Variants in MCF2L observed in about 807,000 individuals in gnomAD.
The protein encoded by MCF2L is MCF.2 cell line derived transforming sequence like, also known as guanine nucleotide exchange factor DBS.
A neutral mutation model predicts 153.4 loss-of-function variants in MCF2L; 97 were observed. That is an observed-to-expected ratio of 0.63 (90% CI 0.54 to 0.75). MCF2L has a LOEUF of 0.75. Among genes scored for constraint, MCF2L ranks in the 30% least tolerant of loss-of-function variants. The pLI is 0.00. For missense variants in MCF2L, 1,347 were observed against 1,495.2 expected, an observed-to-expected ratio of 0.90 and a Z score of 1.64; for synonymous variants, 659 against 632.2, an observed-to-expected ratio of 1.04 and a Z score of -0.64.
intron 2 of MCF2L, among the ~76,000 whole-genome samples, chr13:112,925,890 A>C (rs2081396714): frequency 1.3e-5 from 2 of 152,262 alleles, no homozygotes; most frequent in African/African-American, 4.8e-5. Context: ...AGCAAAGTGA[A>C]AAGTCCTGTG....
At chr13:113,012,756 G>A (rs796877730) in intron 1 of MCF2L, among the ~76,000 whole-genome samples, 690 of 100,592 alleles carry the variant, frequency 6.9e-3, no homozygotes, top group East Asian at 0.038. Context: ...ACTGTGATGC[G>A]GACGGTGGAC....
chr13:113,005,983 G>T (rs1005803945), intron 1 of MCF2L, among the ~76,000 whole-genome samples: 6 of 152,214 alleles, frequency 3.9e-5, no homozygotes, highest in African/African-American at 1.4e-4. Flanking sequence ...GGGCTGCTTA[G>T]CGAAAATCAT....
chr13:112,914,088 C>T (rs1209250324), intron 2 of MCF2L, among the ~76,000 whole-genome samples: 4 of 152,160 alleles, frequency 2.6e-5, no homozygotes, highest in African/African-American at 9.7e-5. Context: ...TGTTTTCCTT[C>T]TTTCTTTTTT....
intron 1 of MCF2L, among the ~76,000 whole-genome samples, chr13:112,989,072 C>A (rs375012434): frequency 2.0e-5 from 2 of 101,950 alleles, no homozygotes; most frequent in Non-Finnish European, 4.2e-5. Context: ...CTACCACGCC[C>A]GAGTCCTCCC....
At chr13:113,073,599 T>C (rs1012861822) in intron 9 of MCF2L, among the ~76,000 whole-genome samples, 1 of 152,172 alleles carries the variant, frequency 6.6e-6, no homozygotes, top group African/African-American at 2.4e-5. Flanking sequence ...CTTTTGTATT[T>C]AAAGGAATAA....
At chr13:113,015,875 CG>C (rs1470640737) in intron 2 of MCF2L, among the ~76,000 whole-genome samples, 1 of 152,308 alleles carries the variant, frequency 6.6e-6, no homozygotes, top group East Asian at 1.9e-4. Flanking sequence ...CCCCCTGTGT[CG>C]GGGACCAGGC....
intron 1 of MCF2L, among the ~76,000 whole-genome samples, chr13:112,970,914 C>T (rs540592016): frequency 3.0e-4 from 46 of 152,266 alleles, no homozygotes; most frequent in Middle Eastern, 3.4e-3. Context: ...TGCGTCCTCC[C>T]ACACATCTGC....
intron 1 of MCF2L, among the ~76,000 whole-genome samples, chr13:112,976,068 A>T (rs1415502693): frequency 6.6e-6 from 1 of 151,952 alleles, no homozygotes; most frequent in Non-Finnish European, 1.5e-5. Context: ...AATACAACAG[A>T]TCCGATTGTT....
At position 112,947,806 on chromosome 13, in the gene MCF2L, G is replaced by A. The variant is rs530410930; in HGVS notation, c.169+45435G>A. On this transcript the variant is annotated intron_variant, in intron 2 of 29. Coordinates refer to the MCF2L transcript ENST00000375608. The stretch of plus-strand genomic sequence containing the variant: ...GAGTCTCAGGGGTGGCCCTACCTCC[G>A]CAGCTACACTAGGCATTGCCCTGGT... Among the ~76,000 whole-genome samples, 8 of 152,242 alleles carry A rather than the reference G, an allele frequency of 5.3e-5. No individual in the cohort carries two copies. The East Asian group carries it at 7.7e-4, about 15-fold the overall frequency.
intron 17 of MCF2L, 51 bp downstream of exon 17, chr13:113,082,593 A>C: frequency 1.2e-5 from 16 of 1,311,198 alleles, no homozygotes; most frequent in Non-Finnish European, 1.7e-5. Flanking sequence ...CTTGCAGCTA[A>C]TGGTGCTGGC....
intron 1 of MCF2L, chr13:112,979,267 T>G: frequency 9.7e-7 from 1 of 1,034,668 alleles, no homozygotes; most frequent in Non-Finnish European, 1.2e-6. Context: ...GGCAAGGAGG[T>G]CCAGCCCACG....
intron 1 of MCF2L, among the ~76,000 whole-genome samples, chr13:112,972,359 GTGGA>G (rs72104689): frequency 0.041 from 5,623 of 137,282 alleles, 250 homozygotes; most frequent in African/African-American, 0.11. Flanking sequence ...GTGTAAGTGG[GTGGA>G]TGGATGGATG....
At chr13:113,001,621 T>A (rs2083381015) in intron 1 of MCF2L, 1 of 1,210,356 alleles carries the variant, frequency 8.3e-7, no homozygotes, top group South Asian at 2.5e-5. Flanking sequence ...ACCAGGAACC[T>A]GAAGCCTCCC....
chr13:113,094,987 G>A (rs963741748), intron 27 of MCF2L: 2 of 1,379,440 alleles, frequency 1.4e-6, no homozygotes, highest in Admixed American at 1.9e-5. Flanking sequence ...CCAGCCTCCT[G>A]TAGAGCCCAC....
intron 2 of MCF2L, among the ~76,000 whole-genome samples, chr13:112,913,072 C>G (rs1051884551): frequency 2.1e-5 from 3 of 142,236 alleles, no homozygotes; most frequent in African/African-American, 8.0e-5. Context: ...TGGGGTGTGT[C>G]TGTGTGATTG....
Position 113,074,238 on chromosome 13 carries a change from G to A in MCF2L, c.997-206G>A, listed in dbSNP as rs184009239. 6.6e-5 allele frequency among the ~76,000 whole-genome samples: 10 copies of A among 152,266 alleles called. No homozygotes were observed. The highest frequency in any genetic ancestry group is 5.2e-4 in the Admixed American group (8 of 15,304). ...GCCAGTGAGGTCACTGGTGGGTAGC[G>A]TCGACCCAGAGGCCCCACGGTCCCC... On this transcript the variant is annotated intron_variant, in intron 9 of 29. Transcript: ENST00000535094. The surrounding 1 kb of genome is among the most constrained non-coding windows in gnomAD (Gnocchi z 4.2).
At chr13:113,013,288 C>A (rs1041144373) in intron 1 of MCF2L, among the ~76,000 whole-genome samples, 5 of 152,188 alleles carry the variant, frequency 3.3e-5, no homozygotes, top group South Asian at 2.1e-4. Flanking sequence ...GACGTGGTTG[C>A]GTACTGGGAA....
rs2081477832 is a variant in MCF2L, at chr13:112,932,926, G to A, written c.169+30555G>A. 6.6e-6 allele frequency among the ~76,000 whole-genome samples: 1 copy of A among 152,158 alleles called. No individual in the cohort carries two copies. Among genetic ancestry groups the A allele is most frequent in the Non-Finnish European group, 1.5e-5 (1 of 68,032 alleles). On this transcript the variant is annotated intron_variant, in intron 2 of 29. Coordinates refer to the MCF2L transcript ENST00000375608. The surrounding 1 kb of genome is among the most constrained non-coding windows in gnomAD (Gnocchi z 4.6). ...CACACCTGTAATCCCAGCTACCCAG[G>A]AGGCTGAGACAGGAGAATTGCTTGA...
rs2081571836 is a variant in MCF2L at position 112,941,183 on chromosome 13, T to G, written c.169+38812T>G. Among the ~76,000 whole-genome samples the G allele has an allele frequency of 6.6e-6, 1 of 152,166 alleles. No homozygotes were observed. The highest frequency in any genetic ancestry group is 2.1e-4 in the South Asian group (1 of 4,830). On this transcript the variant is annotated intron_variant, in intron 2 of 29. Coordinates refer to the MCF2L transcript ENST00000375608. The surrounding 1 kb of genome is among the most constrained non-coding windows in gnomAD (Gnocchi z 4.9). Reference sequence around the variant, plus strand: ...AGGTCATCAGCCCGTAATGCCACCTTGTTTTATCTTGGTGCTATCTTGGTT... The same window carrying G: ...AGGTCATCAGCCCGTAATGCCACCTGGTTTTATCTTGGTGCTATCTTGGTT...
Sources: gnomAD v4.1 joint callset for allele counts (sites outside exome capture counted in the v4.1 genomes callset) on GRCh38, gnomAD v4.1.1 for gene constraint, Gnocchi (gnomAD v3.1) non-coding constraint, MANE v1.5 for transcripts, NCBI Gene and HGNC (gene_info 2026-07-23, HGNC 2026-07-21) for gene names.